LRBA: variants seen among roughly 807,000 people sequenced by gnomAD.
The protein encoded by LRBA is lipopolysaccharide-responsive and beige-like anchor protein.
Under a neutral mutation model 330.0 loss-of-function variants are expected in LRBA, and 176 were observed. The observed-to-expected ratio is 0.53, with a 90% CI of 0.47 to 0.60. The LOEUF (loss-of-function observed/expected upper bound fraction) is 0.60, where lower values mean the gene tolerates loss of function less well. Ranked by LOEUF, LRBA falls within the 20% of genes least tolerant of loss-of-function variation. The pLI is 0.00. For missense variants in LRBA, 3,259 were observed against 3,444.8 expected, an observed-to-expected ratio of 0.95 and a Z score of 1.35; for synonymous variants, 1,230 against 1,193.0, an observed-to-expected ratio of 1.03 and a Z score of -0.64.
intron 9 of LRBA, among the ~76,000 whole-genome samples, chr4:150,909,624 T>C (rs1244942612): frequency 6.6e-6 from 1 of 152,176 alleles, no homozygotes; most frequent in Non-Finnish European, 1.5e-5. Flanking sequence ...ACCCTATTTT[T>C]TGTGTGCAAA....
intron 37 of LRBA, among the ~76,000 whole-genome samples, chr4:150,608,780 G>A (rs1448520646): frequency 6.6e-6 from 1 of 152,088 alleles, no homozygotes; most frequent in Non-Finnish European, 1.5e-5. Context: ...CCCAGCCCCT[G>A]GCAATGATGA....
intron 40 of LRBA, among the ~76,000 whole-genome samples, chr4:150,499,860 A>G (rs574137247): frequency 6.6e-6 from 1 of 152,284 alleles, no homozygotes; most frequent in East Asian, 1.9e-4. Context: ...TTTGATGGGT[A>G]TCAAAAGCCC....
chr4:150,281,979 T>G (rs1260739672), intron 55 of LRBA, among the ~76,000 whole-genome samples: 2 of 152,202 alleles, frequency 1.3e-5, no homozygotes, highest in African/African-American at 2.4e-5. Context: ...GGTCTTGTTG[T>G]CCATAAAGAA....
intron 47 of LRBA, among the ~76,000 whole-genome samples, chr4:150,400,983 G>A (rs753101846): frequency 1.3e-5 from 2 of 152,238 alleles, no homozygotes; most frequent in Non-Finnish European, 2.9e-5. Flanking sequence ...TGAGATTGGA[G>A]ATAGGTTATT....
At chr4:150,416,143 T>C (rs925046785) in intron 46 of LRBA, among the ~76,000 whole-genome samples, 6 of 152,228 alleles carry the variant, frequency 3.9e-5, no homozygotes, top group African/African-American at 1.4e-4. Flanking sequence ...TTAAAATTAG[T>C]CTAGAAAATG....
intron 30 of LRBA, 63 bp downstream of exon 30, chr4:150,828,117 A>AC: frequency 6.7e-7 from 1 of 1,484,822 alleles, no homozygotes; most frequent in Non-Finnish European, 9.2e-7. Context: ...ATCATCCCTA[A>AC]CCCCCATGTT....
intron 37 of LRBA, among the ~76,000 whole-genome samples, chr4:150,672,895 T>C (rs1179076763): frequency 1.5e-4 from 23 of 152,136 alleles, no homozygotes; most frequent in Non-Finnish European, 8.8e-5. Context: ...TGAAAACTTA[T>C]TTAGAAATGC....
intron 37 of LRBA, among the ~76,000 whole-genome samples, chr4:150,647,358 T>TTTC (rs1554072196): frequency 7.5e-5 from 10 of 134,060 alleles, no homozygotes; most frequent in Non-Finnish European, 1.6e-4. Context: ...TTTTCTTTTT[T>TTTC]TTTTTTTTTT....
At position 150,597,190 on chromosome 4, in the gene LRBA, A is replaced by G; in HGVS notation, c.6046+1817T>C. The G allele has an allele frequency of 5.6e-6, 4 of 716,178 alleles. No homozygotes were observed. In the East Asian group the frequency reaches 1.2e-4, roughly 21 times the overall value. 44.4% of individuals were successfully genotyped at this position (716,178 alleles called of 1,614,324 possible). A position where few individuals can be genotyped will look rare whatever the true frequency, so the allele number is the denominator to read the frequency against. Reference sequence around the variant, plus strand: ...AGTAATCAGAGTGAAATCTACTTCTATACAAGTCAAGAGTCTTAGGATGAT... The same window carrying G: ...AGTAATCAGAGTGAAATCTACTTCTGTACAAGTCAAGAGTCTTAGGATGAT... On this transcript the variant is annotated intron_variant, in intron 38 of 56. Transcript: ENST00000651943.
chr4:150,984,607 T>C (rs907763026), intron 2 of LRBA, among the ~76,000 whole-genome samples: 2 of 152,218 alleles, frequency 1.3e-5, no homozygotes, highest in South Asian at 4.1e-4. Flanking sequence ...AATAAAAGAT[T>C]TAAAAGGTAA....
In LRBA at chr4:150,872,688, A is replaced by C; in HGVS notation, c.2233T>G (p.Tyr745Asp). 3.1e-6 allele frequency: 5 copies of C among 1,610,196 alleles called. No individual in the cohort carries two copies. The highest frequency in any genetic ancestry group is 4.2e-6 in the Non-Finnish European group (5 of 1,177,618). ...IRVQALKAMG[Y>D]FLKHLAPKRK... ...TTTGGGGCCAGATGTTTTAAAAAAT[A>C]ACCCATTGCCTTAAGAGCTTGTACC... Residue 745 changes from tyrosine to aspartate, a missense_variant, in exon 18 of 57, where the codon TAT (tyrosine) becomes GAT (aspartate). By Grantham distance (160) the Tyr-to-Asp change is radical. Coordinates refer to ENST00000651943, the MANE Select transcript of LRBA (RefSeq NM_001364905.1).
At position 150,802,237 on chromosome 4, in the gene LRBA, A is replaced by AC. The variant is rs1225724002; in HGVS notation, c.5518+4033dup. Among the ~76,000 whole-genome samples, 64 of 147,644 alleles carry AC rather than the reference A, an allele frequency of 4.3e-4. 1 individual carries two copies. In the Middle Eastern group the frequency reaches 0.01, roughly 24 times the overall value. ...TCAGTCTCAAAAAAAAAAAAAAAAA[A>AC]CCACAGTGCAAAATTTTGGGTAAAG... is the stretch of plus-strand genomic sequence containing the variant. On this transcript the variant is annotated intron_variant, in intron 33 of 56. Coordinates refer to ENST00000651943, the MANE Select transcript of LRBA (RefSeq NM_001364905.1).
intron 53 of LRBA, among the ~76,000 whole-genome samples, chr4:150,287,517 C>T (rs1748288478): frequency 6.6e-6 from 1 of 152,196 alleles, no homozygotes; most frequent in Non-Finnish European, 1.5e-5. Flanking sequence ...AGCCAGCAGT[C>T]ACTTCAGGTC....
chr4:150,446,956 AT>A (rs1213227824), intron 44 of LRBA, among the ~76,000 whole-genome samples: 1 of 152,184 alleles, frequency 6.6e-6, no homozygotes, highest in Non-Finnish European at 1.5e-5. Flanking sequence ...AGGGGGTTAA[AT>A]TTAGTCATTT....
intron 5 of LRBA, among the ~76,000 whole-genome samples, chr4:150,917,963 A>G (rs1257212864): frequency 6.6e-6 from 1 of 151,960 alleles, no homozygotes; most frequent in African/African-American, 2.4e-5. Flanking sequence ...AAGTTAGAAG[A>G]CTCATACTAC....
chr4:150,916,440 G>A lies in LRBA; in HGVS notation c.855C>T (p.Gly285=). 2 of 1,613,612 alleles carry A rather than the reference G, an allele frequency of 1.2e-6. No homozygotes were observed. The highest frequency in any genetic ancestry group is 1.7e-6 in the Non-Finnish European group (2 of 1,179,752). Residue 285 remains glycine (G), a synonymous_variant, in exon 7 of 57, where the codon GGC becomes GGT. Transcript: ENST00000651943. ...AATCAAATTTCACACAGTGTTGAAA[G>A]CCTTTTCCTTTTGACTTTATTGATG... ...IVTSIKSKGK[G]FQHCVKFDFK...
intron 14 of LRBA, among the ~76,000 whole-genome samples, chr4:150,898,030 T>C (rs1730298192): frequency 6.6e-6 from 1 of 152,082 alleles, no homozygotes; most frequent in Non-Finnish European, 1.5e-5. Flanking sequence ...AAACAGGTTA[T>C]GTTGAAACTA....
intron 44 of LRBA, among the ~76,000 whole-genome samples, chr4:150,456,342 T>C (rs1754062781): frequency 6.6e-6 from 1 of 152,136 alleles, no homozygotes; most frequent in African/African-American, 2.4e-5. Context: ...TTGGTATTGC[T>C]TGCCTTTTGG....
In LRBA at chr4:150,693,563, CA is replaced by C. The variant is rs70941428; in HGVS notation, c.5755-9847del. ...TGGGTGACAGAGCGAGACTCCGTCT[CA>C]AAAAAAAAAAAAAAAAAAAAAATTG... On this transcript the variant is annotated intron_variant, in intron 36 of 56. Coordinates refer to ENST00000651943, the MANE Select transcript of LRBA (RefSeq NM_001364905.1). Among the ~76,000 whole-genome samples the C allele has an allele frequency of 4.9e-3, 259 of 52,710 alleles. 3 individuals carry two copies. The East Asian group carries it at 0.11, about 21-fold the overall frequency. 34.6% of individuals were successfully genotyped at this position (52,710 alleles called of 152,430 possible).
Sources: gnomAD v4.1 joint callset for allele counts (sites outside exome capture counted in the v4.1 genomes callset) on GRCh38, gnomAD v4.1.1 for gene constraint, MANE v1.5 for transcripts, NCBI Gene and HGNC (gene_info 2026-07-23, HGNC 2026-07-21) for gene names.